The following RIMS1 variants were observed in gnomAD, a reference collection of about 807,000 sequenced individuals.
RIMS1 encodes regulating synaptic membrane exocytosis 1.
Under a neutral mutation model 214.1 loss-of-function variants are expected in RIMS1, and 83 were observed. The observed-to-expected ratio is 0.39, with a 90% CI of 0.32 to 0.47. RIMS1 has a LOEUF of 0.47. RIMS1 is among the 20% of genes least tolerant of loss of function. RIMS1 has a pLI of 0.99. For missense variants in RIMS1, 2,050 were observed against 2,161.8 expected, an observed-to-expected ratio of 0.95 and a Z score of 1.03; for synonymous variants, 793 against 786.8, an observed-to-expected ratio of 1.01 and a Z score of -0.13.
At chr6:72,187,073 C>T (rs1045696700) in intron 6 of RIMS1, among the ~76,000 whole-genome samples, 2 of 151,976 alleles carry the variant, frequency 1.3e-5, no homozygotes, top group Admixed American at 1.3e-4. Context: ...TTGCGGTGAG[C>T]CGAGATTGTG....
intron 29 of RIMS1, among the ~76,000 whole-genome samples, chr6:72,373,373 A>G (rs1295506079): frequency 6.6e-6 from 1 of 152,198 alleles, no homozygotes; most frequent in Non-Finnish European, 1.5e-5. Context: ...TCTCAGGAAG[A>G]GTTATCAATT....
intron 1 of RIMS1, among the ~76,000 whole-genome samples, chr6:71,895,639 A>G (rs985183252): frequency 7.4e-6 from 1 of 134,436 alleles, no homozygotes; most frequent in Non-Finnish European, 1.5e-5. Flanking sequence ...GTGCCTCTGC[A>G]CTCCAGCCTG....
Position 71,887,072 on chromosome 6 carries a change from C to T in RIMS1, c.49C>T (p.Pro17Ser), listed in dbSNP as rs772961215. 3 of 1,613,406 alleles carry T rather than the reference C, an allele frequency of 1.9e-6. No individual in the cohort carries two copies. Among genetic ancestry groups the T allele is most frequent in the Admixed American group, 1.7e-5 (1 of 59,964 alleles). Reference sequence around the variant, plus strand: ...CGGTCCTCGCCCACCCACGGTGCCTCCCCCCATGCAAGAGCTGCCCGACCT... The same window carrying T: ...CGGTCCTCGCCCACCCACGGTGCCTTCCCCCATGCAAGAGCTGCCCGACCT... Reference protein sequence around the residue: ...PRGPRPPTVPPPMQELPDLSH... With the variant: ...PRGPRPPTVPSPMQELPDLSH... Residue 17 changes from proline to serine, a missense_variant, in exon 1 of 34, where the codon CCC becomes TCC. By Grantham distance (74) the Pro-to-Ser change is moderately conservative. Transcript: ENST00000521978.
At chr6:71,910,293 CAAAGT>C (rs1167430383) in intron 1 of RIMS1, among the ~76,000 whole-genome samples, 1 of 152,018 alleles carries the variant, frequency 6.6e-6, no homozygotes, top group African/African-American at 2.4e-5. Context: ...GGAAAGAACA[CAAAGT>C]AAAACAAAGG....
chr6:71,903,176 C>T (rs1774215309), intron 1 of RIMS1, among the ~76,000 whole-genome samples: 2 of 152,086 alleles, frequency 1.3e-5, no homozygotes, highest in African/African-American at 4.8e-5. Context: ...TCTCTGCAAC[C>T]CCACCAGCAT....
At chr6:72,282,384 C>T (rs931419061) in intron 23 of RIMS1, among the ~76,000 whole-genome samples, 1 of 152,018 alleles carries the variant, frequency 6.6e-6, no homozygotes, top group South Asian at 2.1e-4. Flanking sequence ...ATCATGGAAT[C>T]TCTGCCCCCC....
chr6:72,083,371 T>C (rs1342159660), intron 2 of RIMS1, among the ~76,000 whole-genome samples: 1 of 152,120 alleles, frequency 6.6e-6, no homozygotes, highest in Non-Finnish European at 1.5e-5. Context: ...ACCATAAAAA[T>C]GCCGAAAAAA....
intron 2 of RIMS1, among the ~76,000 whole-genome samples, chr6:72,057,708 C>T (rs1353854443): frequency 2.0e-5 from 3 of 151,956 alleles, no homozygotes; most frequent in Non-Finnish European, 2.9e-5. Flanking sequence ...AGGGTTTCAC[C>T]GTGTTAACCA....
Position 72,155,290 on chromosome 6 carries a change from C to T in RIMS1, c.472-24285C>T, listed in dbSNP as rs188901944. Among the ~76,000 whole-genome samples the T allele has an allele frequency of 1.0e-4, 14 of 140,002 alleles. 2 individuals are homozygous for T. In the East Asian group the frequency reaches 2.0e-3, roughly 20 times the overall value. The allele number at this position is 140,002 out of a possible 152,430, so 91.8% of individuals were successfully genotyped here. Reference sequence around the variant, plus strand: ...TTATGCTCTGCTTCCCTTATAAAATCGAACGTCTTTAACAGCACCCAAGTT... The same window carrying T: ...TTATGCTCTGCTTCCCTTATAAAATTGAACGTCTTTAACAGCACCCAAGTT... On this transcript the variant is annotated intron_variant, in intron 4 of 33. Transcript: ENST00000521978.
Position 72,157,724 on chromosome 6 carries a change from G to T in RIMS1, c.472-21851G>T, listed in dbSNP as rs531845008. ...GCTTAGGTTGTTTACACAGTCCATT[G>T]TGATGATTGTTTAAATGGGAAAATT... On this transcript the variant is annotated intron_variant, in intron 4 of 33. Transcript: ENST00000521978. Among the ~76,000 whole-genome samples, 8 of 140,348 alleles carry T rather than the reference G, an allele frequency of 5.7e-5. 3 individuals are homozygous for T. Among genetic ancestry groups the T allele is most frequent in the Non-Finnish European group, 1.3e-4 (8 of 61,684 alleles). 92.1% of individuals were successfully genotyped at this position (140,348 alleles called of 152,430 possible).
At chr6:72,253,419 T>C (rs1051847627) in intron 16 of RIMS1, among the ~76,000 whole-genome samples, 3 of 152,200 alleles carry the variant, frequency 2.0e-5, no homozygotes, top group Non-Finnish European at 4.4e-5. Flanking sequence ...TGTAAGTTAG[T>C]AAAACTTTTG....
intron 6 of RIMS1, among the ~76,000 whole-genome samples, chr6:72,227,019 A>AT (rs1236662065): frequency 6.6e-6 from 1 of 152,074 alleles, no homozygotes; most frequent in Non-Finnish European, 1.5e-5. Flanking sequence ...ATGAGGAGAT[A>AT]TTATCAAGAG....
intron 2 of RIMS1, among the ~76,000 whole-genome samples, chr6:72,033,865 G>A (rs1818850117): frequency 6.6e-6 from 1 of 152,074 alleles, no homozygotes; most frequent in Non-Finnish European, 1.5e-5. Context: ...GGAAATTAAA[G>A]AACAACTCTG....
intron 6 of RIMS1, among the ~76,000 whole-genome samples, chr6:72,227,890 C>G (rs551965025): frequency 6.6e-6 from 1 of 151,960 alleles, no homozygotes; most frequent in Non-Finnish European, 1.5e-5. Flanking sequence ...GAGAAAGACA[C>G]AGGGGATGTT....
intron 4 of RIMS1, among the ~76,000 whole-genome samples, chr6:72,132,699 C>T (rs991319884): frequency 2.0e-5 from 3 of 151,968 alleles, no homozygotes; most frequent in Non-Finnish European, 2.9e-5. Context: ...TAGGCCAGTG[C>T]AGACAAATCT....
chr6:72,023,323 C>A (rs990062058), intron 2 of RIMS1, among the ~76,000 whole-genome samples: 1 of 152,078 alleles, frequency 6.6e-6, no homozygotes, highest in African/African-American at 2.4e-5. Flanking sequence ...ATAAATAGCA[C>A]AGTAGCTTTC....
chr6:72,361,713 C>A (rs1199120057), intron 29 of RIMS1, among the ~76,000 whole-genome samples: 1 of 152,178 alleles, frequency 6.6e-6, no homozygotes, highest in African/African-American at 2.4e-5. Flanking sequence ...CTAGTGGCTG[C>A]CCACATTCCT....
At chr6:72,307,759 A>C (rs529967495) in intron 27 of RIMS1, among the ~76,000 whole-genome samples, 28 of 152,244 alleles carry the variant, frequency 1.8e-4, no homozygotes, top group African/African-American at 6.0e-4. Flanking sequence ...AAAACAAAAA[A>C]AGAAAAGGTA....
At chr6:72,208,650 A>C (rs752606046) in intron 6 of RIMS1, among the ~76,000 whole-genome samples, 21 of 152,322 alleles carry the variant, frequency 1.4e-4, no homozygotes, top group Non-Finnish European at 2.5e-4. Context: ...GGTCTCCTGT[A>C]GGTAATGTGT....
Sources: gnomAD v4.1 joint callset for allele counts (sites outside exome capture counted in the v4.1 genomes callset) on GRCh38, gnomAD v4.1.1 for gene constraint, MANE v1.5 for transcripts, NCBI Gene and HGNC (gene_info 2026-07-23, HGNC 2026-07-21) for gene names.